BMP2K: variants seen among roughly 807,000 people sequenced by gnomAD.
The protein encoded by BMP2K is BMP-2-inducible protein kinase.
A neutral mutation model predicts 116.0 loss-of-function variants in BMP2K; 74 were observed. That is an observed-to-expected ratio of 0.64 (90% CI 0.53 to 0.77). The LOEUF (loss-of-function observed/expected upper bound fraction) is 0.77, where lower values mean the gene tolerates loss of function less well. Ranked by LOEUF, BMP2K falls within the 30% of genes least tolerant of loss-of-function variation. BMP2K has a pLI of 0.00. For missense variants in BMP2K, 1,365 were observed against 1,403.6 expected (o/e 0.97, Z 0.44); for synonymous variants, 486 against 502.5 (o/e 0.97, Z 0.44).
intron 9 of BMP2K, among the ~76,000 whole-genome samples, chr4:78,862,665 C>T (rs7659927): frequency 0.048 from 7,362 of 152,140 alleles, 562 homozygotes; most frequent in African/African-American, 0.17. Flanking sequence ...CAGTTCTACT[C>T]TTTGAGACTT....
At chr4:78,820,332 C>G (rs1729555131) in intron 1 of BMP2K, among the ~76,000 whole-genome samples, 1 of 152,050 alleles carries the variant, frequency 6.6e-6, no homozygotes, top group Non-Finnish European at 1.5e-5. Context: ...CTTCTGGTAA[C>G]TTTTAGGGTT....
chr4:78,818,412 C>T (rs113199794), intron 1 of BMP2K, among the ~76,000 whole-genome samples: 6,194 of 152,262 alleles, frequency 0.041, 424 homozygotes, highest in African/African-American at 0.14. Flanking sequence ...TCTCCACATC[C>T]TCTCCAGCAT....
In BMP2K at chr4:78,786,321, C is replaced by T. The variant is rs191843234; in HGVS notation, c.178+9600C>T. On this transcript the variant is annotated intron_variant, in intron 1 of 15. Coordinates refer to ENST00000502613, the MANE Select transcript of BMP2K (RefSeq NM_198892.2). ...CATCTGTGAGGAAACAAGCCCTCTC[C>T]AGGCACTGAATTTCCCAGCACCTTG... Among the ~76,000 whole-genome samples the T allele has an allele frequency of 7.9e-5, 12 of 152,150 alleles. No individual in the cohort carries two copies. The East Asian group carries it at 2.1e-3, about 27-fold the overall frequency.
chr4:78,821,376 A>G (rs888637376), intron 1 of BMP2K, among the ~76,000 whole-genome samples: 1 of 146,364 alleles, frequency 6.8e-6, no homozygotes, highest in African/African-American at 2.8e-5. Context: ...AGTTTCCCAG[A>G]AAAAAAACAC....
At chr4:78,836,457 A>C (rs1297685316) in intron 3 of BMP2K, among the ~76,000 whole-genome samples, 1 of 151,930 alleles carries the variant, frequency 6.6e-6, no homozygotes, top group Non-Finnish European at 1.5e-5. Flanking sequence ...CAGTATGTTT[A>C]GACATTTTAA....
At chr4:78,867,336 G>T (rs149964447) in intron 10 of BMP2K, among the ~76,000 whole-genome samples, 2 of 152,260 alleles carry the variant, frequency 1.3e-5, no homozygotes, top group East Asian at 3.9e-4. Flanking sequence ...TCGCTGTTCA[G>T]ACATGATTTT....
chr4:78,844,173 CATTT>C (rs1383618943), intron 4 of BMP2K, among the ~76,000 whole-genome samples: 1 of 151,708 alleles, frequency 6.6e-6, no homozygotes, highest in Non-Finnish European at 1.5e-5. Flanking sequence ...TATTTTAACT[CATTT>C]AATGTTCACA....
At position 78,915,307 on chromosome 4, in the gene BMP2K, C is replaced by G. The variant is rs1332585128; in HGVS notation, c.*3274C>G. The G allele has an allele frequency of 6.6e-6, 1 of 151,958 alleles. No individual in the cohort carries two copies. Among genetic ancestry groups the G allele is most frequent in the Non-Finnish European group, 1.5e-5 (1 of 67,918 alleles). 9.4% of individuals were successfully genotyped at this position (151,958 alleles called of 1,614,324 possible). ...CTATGCTGAAGTTCACCAGGCAGAG[C>G]AGTTTTCTTACAAGTCAGCTACTCT... On this transcript the variant is annotated 3_prime_UTR_variant, in exon 16 of 16. Coordinates refer to ENST00000502613, the MANE Select transcript of BMP2K (RefSeq NM_198892.2).
At chr4:78,870,347 G>A (rs1440362695) in intron 10 of BMP2K, among the ~76,000 whole-genome samples, 1 of 152,192 alleles carries the variant, frequency 6.6e-6, no homozygotes, top group East Asian at 1.9e-4. Context: ...AATAAACTGA[G>A]TGGAAGTGCT....
chr4:78,830,388 G>C (rs1333720762), intron 2 of BMP2K, among the ~76,000 whole-genome samples: 1 of 152,172 alleles, frequency 6.6e-6, no homozygotes, highest in East Asian at 1.9e-4. Flanking sequence ...AGTAGGTTTA[G>C]CATAGTTCTT....
chr4:78,890,547 T>C (rs540938306), intron 15 of BMP2K, among the ~76,000 whole-genome samples: 2 of 152,348 alleles, frequency 1.3e-5, no homozygotes, highest in South Asian at 2.1e-4. Context: ...ATCTATCCCA[T>C]GATCACATTT....
At chr4:78,783,853 A>G (rs1727615851) in intron 1 of BMP2K, among the ~76,000 whole-genome samples, 1 of 152,068 alleles carries the variant, frequency 6.6e-6, no homozygotes, top group Admixed American at 6.6e-5. Context: ...TAAAAGTGCT[A>G]AATTGTACAA....
chr4:78,877,728 CT>C (rs1283263652), intron 13 of BMP2K, among the ~76,000 whole-genome samples: 3 of 152,188 alleles, frequency 2.0e-5, no homozygotes, highest in African/African-American at 7.2e-5. Context: ...CAAATATGCA[CT>C]GTACACAATT....
intron 15 of BMP2K, among the ~76,000 whole-genome samples, chr4:78,888,333 G>C (rs533413243): frequency 2.6e-5 from 4 of 152,280 alleles, no homozygotes; most frequent in South Asian, 4.1e-4. Context: ...CTGCATAAAT[G>C]TGTTCCCTTA....
chr4:78,908,747 A>C (rs1254051956), intron 15 of BMP2K, among the ~76,000 whole-genome samples: 1 of 152,204 alleles, frequency 6.6e-6, no homozygotes, highest in Non-Finnish European at 1.5e-5. Context: ...TCATTTTTTA[A>C]AAAATTATGC....
intron 1 of BMP2K, among the ~76,000 whole-genome samples, chr4:78,802,494 T>A (rs1728611111): frequency 6.6e-6 from 1 of 152,228 alleles, no homozygotes; most frequent in Non-Finnish European, 1.5e-5. Flanking sequence ...TTGATGTTTT[T>A]ATACCTAAAT....
Position 78,895,553 on chromosome 4 carries a change from TA to T in BMP2K, c.2062+8279del, listed in dbSNP as rs561465214. Among the ~76,000 whole-genome samples the T allele has an allele frequency of 7.7e-3, 1,100 of 143,678 alleles. 4 individuals carry two copies. Among genetic ancestry groups the T allele is most frequent in the African/African-American group, 0.017 (684 of 39,398 alleles). The allele number at this position is 143,678 out of a possible 152,430, so 94.3% of individuals were successfully genotyped here. Reference sequence around the variant, plus strand: ...TAGAAGAAATAAAAGAACTGACACCTAAAAAAAAAAGAGGTAATGAAATAAA... The same window carrying T: ...TAGAAGAAATAAAAGAACTGACACCTAAAAAAAAAGAGGTAATGAAATAAA... On this transcript the variant is annotated intron_variant, in intron 15 of 15. Transcript: ENST00000502613.
rs774136302 is a variant in BMP2K at position 78,916,107 on chromosome 4, A to G, written c.*4074A>G. On this transcript the variant is annotated 3_prime_UTR_variant, in exon 16 of 16. Transcript: ENST00000502613. ...ACTTGCTAAAGTAACTTCAGTCCTC[A>G]AATATAGCTGGGAAACAATTATGAG... 6.6e-6 allele frequency: 1 copy of G among 151,910 alleles called. No individual in the cohort carries two copies. The highest frequency in any genetic ancestry group is 1.5e-5 in the Non-Finnish European group (1 of 67,844). The allele number at this position is 151,910 out of a possible 1,614,324, so 9.4% of individuals were successfully genotyped here. A position where few individuals can be genotyped will look rare whatever the true frequency, so the allele number is the denominator to read the frequency against.
At chr4:78,789,046 G>A (rs1183754316) in intron 1 of BMP2K, among the ~76,000 whole-genome samples, 1 of 151,942 alleles carries the variant, frequency 6.6e-6, no homozygotes, top group Non-Finnish European at 1.5e-5. Flanking sequence ...GTAAGAACCT[G>A]AATTTAAAAC....
Sources: allele counts gnomAD v4.1 joint callset (sites outside exome capture counted in the v4.1 genomes callset), GRCh38; gene constraint gnomAD v4.1.1; transcripts MANE v1.5; gene names NCBI Gene and HGNC (gene_info 2026-07-23, HGNC 2026-07-21).